PSMD6: variants seen among roughly 807,000 people sequenced by gnomAD.
The protein encoded by PSMD6 is proteasome 26S subunit, non-ATPase 6, also known as 26S proteasome non-ATPase regulatory subunit 6.
PSMD6 carries 7 observed loss-of-function variants against 44.9 expected under a neutral mutation model. That is an observed-to-expected ratio of 0.16 (90% CI 0.09 to 0.29). The LOEUF (loss-of-function observed/expected upper bound fraction) is 0.29, where lower values mean the gene tolerates loss of function less well. Ranked by LOEUF, PSMD6 falls within the 10% of genes least tolerant of loss-of-function variation. The pLI is 1.00. For missense variants in PSMD6, 420 were observed against 482.6 expected, an observed-to-expected ratio of 0.87 and a Z score of 1.21; for synonymous variants, 184 against 172.7, an observed-to-expected ratio of 1.07 and a Z score of -0.51.
chr3:64,020,517 TA>T (rs1374258314), intron 2 of PSMD6, among the ~76,000 whole-genome samples: 2 of 152,164 alleles, frequency 1.3e-5, no homozygotes, highest in African/African-American at 4.8e-5. Context: ...TATTAGTCTT[TA>T]AAACCAAGCC....
At chr3:64,013,930 T>C (rs2076003727) in intron 5 of PSMD6, 1 of 199,724 alleles carries the variant, frequency 5.0e-6, no homozygotes, top group African/African-American at 2.3e-5. Context: ...TTAAGTAAAA[T>C]AAAGTAAAAA....
At chr3:64,011,067 A>T in intron 6 of PSMD6, 112 bp from the exon 7 acceptor site, 1 of 880,116 alleles carries the variant, frequency 1.1e-6, no homozygotes. Flanking sequence ...GCTTCCCTTC[A>T]AGCTTGTTAT....
At chr3:64,021,208 T>C (rs1280463348) in intron 2 of PSMD6, among the ~76,000 whole-genome samples, 1 of 152,084 alleles carries the variant, frequency 6.6e-6, no homozygotes, top group Non-Finnish European at 1.5e-5. Context: ...CAAAAACAGA[T>C]GAAAACAACA....
At chr3:64,019,074 C>A (rs2076091497) in intron 3 of PSMD6, 37 bp from the exon 4 acceptor site, 12 of 1,531,756 alleles carry the variant, frequency 7.8e-6, no homozygotes, top group Non-Finnish European at 1.1e-5. Context: ...AGTCTGGAAA[C>A]AGACAAGGCC....
Position 64,019,400 on chromosome 3 carries a change from A to G in PSMD6, c.393T>C (p.Thr131=). ...TATCCAATCGGTGACCCAGGGCCAC[A>G]GTTTTGTCATATGTCTTGCGAAAGG... ...LTAFRKTYDK[T]VALGHRLDIV... is the part of the protein sequence containing the mutation. Residue 131 remains threonine (T), a synonymous_variant, in exon 3 of 8, where the codon ACT becomes ACC. Transcript: ENST00000295901. 1 of 1,613,508 alleles carries G rather than the reference A, an allele frequency of 6.2e-7. No homozygotes were observed. Among genetic ancestry groups the G allele is most frequent in the Non-Finnish European group, 8.5e-7 (1 of 1,179,538 alleles).
intron 2 of PSMD6, 112 bp downstream of exon 2, chr3:64,022,206 T>C: frequency 8.2e-7 from 1 of 1,215,980 alleles, no homozygotes; most frequent in South Asian, 1.4e-5. Flanking sequence ...CATGATTACC[T>C]TTATACTTTT....
chr3:64,023,400 T>G lies in PSMD6; in HGVS notation c.20A>C (p.Glu7Ala), dbSNP rs1269128574. ...GGGGTTCTTGGGCAGACCCTCCTCC[T>G]CCAGGTTCTCCAGCGGCATCGCGGC... MPLENLEEEGLPKNPDL... is the reference protein window; with the variant it reads MPLENLAEEGLPKNPDL... Residue 7 changes from glutamate (E) to alanine (A), a missense_variant, in exon 1 of 8, where the codon GAG (glutamate) becomes GCG (alanine). This residue lies in a region of PSMD6 where 136 missense variants were observed against 124.2 expected (regional missense o/e 1.09). Coordinates refer to ENST00000295901, the MANE Select transcript of PSMD6 (RefSeq NM_014814.3). 1.1e-5 allele frequency: 17 copies of G among 1,603,816 alleles called. No individual in the cohort carries two copies. Among genetic ancestry groups the G allele is most frequent in the Non-Finnish European group, 1.4e-5 (16 of 1,173,514 alleles).
In PSMD6 at chr3:64,013,413, A is replaced by G. The variant is rs140468618; in HGVS notation, c.995+26T>C. 2.1e-3 allele frequency: 3,256 copies of G among 1,517,786 alleles called. 6 individuals carry two copies. Among genetic ancestry groups the G allele is most frequent in the Non-Finnish European group, 2.6e-3 (2,970 of 1,131,552 alleles). 94.0% of individuals were successfully genotyped at this position (1,517,786 alleles called of 1,614,324 possible). A position where few individuals can be genotyped will look rare whatever the true frequency, so the allele number is the denominator to read the frequency against. The stretch of plus-strand genomic sequence containing the variant: ...TTTAAAAGGCAACTTTAAAACTTCA[A>G]TTAACATGGCATTATTCAAACTTAC... On this transcript the variant is annotated intron_variant, in intron 6 of 7. Transcript: ENST00000295901.
At chr3:64,019,713 A>C in intron 2 of PSMD6, 1 of 360,500 alleles carries the variant, frequency 2.8e-6, no homozygotes. Flanking sequence ...AAATATATTC[A>C]CAATTGTTAA....
At chr3:64,019,166 T>G in intron 3 of PSMD6, 129 bp from the exon 4 acceptor site, 1 of 1,389,552 alleles carries the variant, frequency 7.2e-7, no homozygotes, top group Non-Finnish European at 9.9e-7. Flanking sequence ...TTAAATTATT[T>G]TACTAAATAA....
At chr3:64,020,304 G>C (rs748420497) in intron 2 of PSMD6, among the ~76,000 whole-genome samples, 5 of 152,030 alleles carry the variant, frequency 3.3e-5, no homozygotes, top group Non-Finnish European at 5.9e-5. Context: ...TAAGTATTTA[G>C]TAATACTAAA....
chr3:64,015,458 G>C (rs1241724324), intron 5 of PSMD6: 1 of 152,162 alleles, frequency 6.6e-6, no homozygotes, highest in Non-Finnish European at 1.5e-5. Flanking sequence ...CCAATACATT[G>C]AAATACTAGG....
intron 6 of PSMD6, 63 bp downstream of exon 6, chr3:64,013,376 A>AAGTT: frequency 7.1e-7 from 1 of 1,418,180 alleles, no homozygotes; most frequent in Non-Finnish European, 9.4e-7. Context: ...AAAATTGTAC[A>AAGTT]AGTTCACATA....
Position 64,023,301 on chromosome 3 carries a change from T to C in PSMD6, c.119A>G (p.Glu40Gly). 1 of 1,582,848 alleles carries C rather than the reference T, an allele frequency of 6.3e-7. No homozygotes were observed. The highest frequency in any genetic ancestry group is 8.6e-7 in the Non-Finnish European group (1 of 1,165,360). Residue 40 changes from glutamate (E) to glycine (G), a missense_variant, in exon 1 of 8, where the codon GAG (glutamate) becomes GGG (glycine). Physicochemically the swap from Glu to Gly is moderately conservative, Grantham distance 98 (BLOSUM62 -2). Around this residue, in one of 4 missense-constraint regions of PSMD6, gnomAD observed 136 missense variants for 124.2 expected, o/e 1.09. Transcript: ENST00000295901. ...GTTATCGCGGACGGCCGCCATCAGC[T>C]CGTCGCGCACGGCAGCGTCTCCGCG... ...EHRGDAAVRD[E>G]LMAAVRDNNM... is the part of the protein sequence containing the mutation.
At chr3:64,021,061 A>G (rs1482653694) in intron 2 of PSMD6, among the ~76,000 whole-genome samples, 1 of 152,120 alleles carries the variant, frequency 6.6e-6, no homozygotes, top group Non-Finnish European at 1.5e-5. Context: ...GGCCACACAT[A>G]TTTAAAAAAA....
chr3:64,020,581 T>C (rs2076113340), intron 2 of PSMD6, among the ~76,000 whole-genome samples: 2 of 152,170 alleles, frequency 1.3e-5, no homozygotes, highest in African/African-American at 4.8e-5. Flanking sequence ...TCTAAACTTT[T>C]CTGTATTTTC....
chr3:64,016,421 T>C (rs1439825718), intron 5 of PSMD6: 3 of 151,604 alleles, frequency 2.0e-5, no homozygotes, highest in Non-Finnish European at 2.9e-5. Context: ...AGCACATTAG[T>C]ACCAAGTGCT....
Position 64,018,807 on chromosome 3 carries a change from T to G in PSMD6, c.717+11A>C. On this transcript the variant is annotated intron_variant, in intron 4 of 7. Coordinates refer to ENST00000295901, the MANE Select transcript of PSMD6 (RefSeq NM_014814.3). The stretch of plus-strand genomic sequence containing the variant: ...AGTCTTTAAATTTGAGTATTAAAGT[T>G]TGGTCATTACCTTTTCCCTGAGATC... The G allele has an allele frequency of 6.4e-7, 1 of 1,555,098 alleles. No homozygotes were observed. Among genetic ancestry groups the G allele is most frequent in the Non-Finnish European group, 8.9e-7 (1 of 1,129,490 alleles).
upstream of PSMD6, chr3:64,023,832 T>A (rs40610): frequency 6.8e-7 from 1 of 1,469,526 alleles, no homozygotes; most frequent in Non-Finnish European, 9.2e-7. Flanking sequence ...TTACTCTCAT[T>A]CATCTTATTA....
Sources: allele counts gnomAD v4.1 joint callset (sites outside exome capture counted in the v4.1 genomes callset), GRCh38; gene constraint gnomAD v4.1.1; regional missense constraint gnomAD v4.1.1; transcripts MANE v1.5; gene names NCBI Gene and HGNC (gene_info 2026-07-23, HGNC 2026-07-21).